IL1RAPL2: variants seen among roughly 807,000 people sequenced by gnomAD.
IL1RAPL2 encodes interleukin 1 receptor accessory protein like 2, also known as X-linked interleukin-1 receptor accessory protein-like 2.
In IL1RAPL2, 3 loss-of-function variants were observed where a neutral mutation model predicts 44.1. The ratio of observed to expected loss-of-function variants is 0.07; its 90% CI spans 0.03 to 0.18. The LOEUF is 0.18. Among genes scored for constraint, IL1RAPL2 ranks in the 10% least tolerant of loss-of-function variants. The probability of loss-of-function intolerance (pLI) is 1.00; values close to 1 mark genes in which losing one functional copy is unlikely to be tolerated. For missense variants in IL1RAPL2, 391 were observed against 496.4 expected, an observed-to-expected ratio of 0.79 and a Z score of 2.02; for synonymous variants, 181 against 178.8, an observed-to-expected ratio of 1.01 and a Z score of -0.10.
rs1021859804 is a variant in IL1RAPL2 at position 104,604,635 on chromosome X, A to C, written c.-20+37584A>C. ...ATATTTACTGAGGAAATGCATAGCAAAAAAAAAAAAAAAAAAAAAAGCAGG... is the reference window on the plus strand; with the variant it reads ...ATATTTACTGAGGAAATGCATAGCACAAAAAAAAAAAAAAAAAAAAGCAGG... On this transcript the variant is annotated intron_variant, in intron 1 of 10. Transcript: ENST00000372582. Among the ~76,000 whole-genome samples, 9 of 88,385 alleles carry C rather than the reference A, an allele frequency of 1.0e-4. No homozygotes were observed. The East Asian group carries it at 2.7e-3, about 26-fold the overall frequency. The allele number at this position is 88,385 out of a possible 115,157, so 76.8% of individuals were successfully genotyped here.
At chrX:105,402,787 A>G (rs1602395824) in intron 5 of IL1RAPL2, among the ~76,000 whole-genome samples, 1 of 111,961 alleles carries the variant, frequency 8.9e-6, no homozygotes. Flanking sequence ...GAGTCAGTAA[A>G]TTGTTCTACT....
At chrX:105,574,774 G>A (rs927874652) in intron 6 of IL1RAPL2, among the ~76,000 whole-genome samples, 6 of 111,205 alleles carry the variant, frequency 5.4e-5, no homozygotes, top group Non-Finnish European at 1.1e-4. Context: ...ATAGTGTTAC[G>A]TAGACTTGGT....
At chrX:105,568,785 A>G (rs920690704) in intron 6 of IL1RAPL2, among the ~76,000 whole-genome samples, 6 of 112,064 alleles carry the variant, frequency 5.4e-5, no homozygotes, top group Middle Eastern at 4.2e-3. Flanking sequence ...AATTCATTGA[A>G]TTCTCACTTT....
intron 2 of IL1RAPL2, among the ~76,000 whole-genome samples, chrX:104,822,571 T>C (rs1447032873): frequency 3.6e-5 from 4 of 112,018 alleles, no homozygotes; most frequent in Admixed American, 2.8e-4. Flanking sequence ...ATGTGTGGTG[T>C]TATTTCTGAG....
chrX:105,159,805 C>T (rs1379534040), intron 2 of IL1RAPL2, among the ~76,000 whole-genome samples: 2 of 111,559 alleles, frequency 1.8e-5, no homozygotes, highest in Non-Finnish European at 3.8e-5. Flanking sequence ...TGACATTTGG[C>T]TTAATCTGAT....
At chrX:105,396,821 G>A (rs974585789) in intron 5 of IL1RAPL2, among the ~76,000 whole-genome samples, 7 of 110,486 alleles carry the variant, frequency 6.3e-5, no homozygotes, top group Non-Finnish European at 1.3e-4. Context: ...AAGTAAGATA[G>A]CTAATTAGTT....
At chrX:105,282,064 A>G (rs1415341881) in intron 5 of IL1RAPL2, among the ~76,000 whole-genome samples, 2 of 112,060 alleles carry the variant, frequency 1.8e-5, no homozygotes, top group Admixed American at 9.5e-5. Context: ...TTCAGGCAGA[A>G]ATATTTTATT....
chrX:104,956,461 A>AGT lies in IL1RAPL2; in HGVS notation c.83-238981_83-238980dup, dbSNP rs59541869. On this transcript the variant is annotated intron_variant, in intron 2 of 10. Coordinates refer to ENST00000372582, the MANE Select transcript of IL1RAPL2 (RefSeq NM_017416.2). ...ACATGGCAAAACCCTGTCTCTACTAAGTGTGTGTGTGTGTGTGTGTGTGTG... is the reference window on the plus strand; with the variant it reads ...ACATGGCAAAACCCTGTCTCTACTAAGTGTGTGTGTGTGTGTGTGTGTGTGTG... Among the ~76,000 whole-genome samples the AGT allele has an allele frequency of 7.8e-4, 66 of 84,085 alleles. 1 individual carries two copies. Among genetic ancestry groups the AGT allele is most frequent in the East Asian group, 1.2e-3 (3 of 2,491 alleles). The allele number at this position is 84,085 out of a possible 115,157, so 73.0% of individuals were successfully genotyped here. A position where few individuals can be genotyped will look rare whatever the true frequency, so the allele number is the denominator to read the frequency against.
chrX:104,829,684 T>C (rs1028755250), intron 2 of IL1RAPL2, among the ~76,000 whole-genome samples: 5 of 112,530 alleles, frequency 4.4e-5, no homozygotes, highest in African/African-American at 1.6e-4. Flanking sequence ...AACAGCATCA[T>C]AACACGACGC....
chrX:105,432,334 T>G, intron 5 of IL1RAPL2, among the ~76,000 whole-genome samples: 1 of 108,874 alleles, frequency 9.2e-6, no homozygotes, highest in Non-Finnish European at 1.9e-5. Context: ...CCCATGTGAG[T>G]GTGTCTTGGG....
At chrX:105,504,087 T>G (rs970708575) in intron 6 of IL1RAPL2, among the ~76,000 whole-genome samples, 1 of 112,043 alleles carries the variant, frequency 8.9e-6, no homozygotes. Context: ...AAGATCTGTA[T>G]GACAGTGAAC....
At chrX:105,681,150 T>C (rs1167798643) in intron 6 of IL1RAPL2, among the ~76,000 whole-genome samples, 1 of 111,447 alleles carries the variant, frequency 9.0e-6, no homozygotes, top group Non-Finnish European at 1.9e-5. Flanking sequence ...GAGAGTTACC[T>C]TTCTAGGTTT....
chrX:104,838,338 T>C (rs937260678), intron 2 of IL1RAPL2, among the ~76,000 whole-genome samples: 1 of 112,032 alleles, frequency 8.9e-6, no homozygotes, highest in African/African-American at 3.2e-5. Flanking sequence ...TTTCACGATA[T>C]TGATTTTTCC....
chrX:105,614,462 C>T (rs990810358), intron 6 of IL1RAPL2, among the ~76,000 whole-genome samples: 1 of 111,561 alleles, frequency 9.0e-6, no homozygotes, highest in Non-Finnish European at 1.9e-5. Flanking sequence ...GGCATAAAAA[C>T]GGACCCATAG....
chrX:104,665,742 C>A (rs988442398), intron 2 of IL1RAPL2, among the ~76,000 whole-genome samples: 9 of 111,150 alleles, frequency 8.1e-5, no homozygotes, highest in Admixed American at 6.7e-4. Flanking sequence ...TTTTTAAATA[C>A]TGTGAAATAT....
rs141995761 is a variant in IL1RAPL2, at chrX:104,594,694, G to C, written c.-20+27643G>C. On this transcript the variant is annotated intron_variant, in intron 1 of 10. Transcript: ENST00000372582. ...ATGGAGGTAATGACCATGAAGCTGTGATAGAGAGTAATGGGGACAGCTACC... is the reference window on the plus strand; with the variant it reads ...ATGGAGGTAATGACCATGAAGCTGTCATAGAGAGTAATGGGGACAGCTACC... Among the ~76,000 whole-genome samples, 205 of 111,975 alleles carry C rather than the reference G, an allele frequency of 1.8e-3. 1 individual carries two copies. The highest frequency in any genetic ancestry group is 6.3e-3 in the African/African-American group (195 of 30,834).
At chrX:105,450,633 A>G (rs2036012763) in intron 5 of IL1RAPL2, among the ~76,000 whole-genome samples, 1 of 111,503 alleles carries the variant, frequency 9.0e-6, no homozygotes, top group Non-Finnish European at 1.9e-5. Flanking sequence ...AAGGAGTACA[A>G]CTATTTGTAT....
rs1030666752 is a variant in IL1RAPL2, at chrX:105,039,520, C to T, written c.83-155955C>T. 3.6e-5 allele frequency among the ~76,000 whole-genome samples: 4 copies of T among 111,682 alleles called. No individual in the cohort carries two copies. In the Admixed American group the frequency reaches 3.8e-4, roughly 11 times the overall value. ...GGGTCAACTTCTGCCTGTAGGTATT[C>T]CTTGATCTTTTAAAGACAATGATTA... On this transcript the variant is annotated intron_variant, in intron 2 of 10. Coordinates refer to ENST00000372582, the MANE Select transcript of IL1RAPL2 (RefSeq NM_017416.2).
chrX:104,866,282 G>A (rs1308018840), intron 2 of IL1RAPL2, among the ~76,000 whole-genome samples: 1 of 111,633 alleles, frequency 9.0e-6, no homozygotes, highest in Non-Finnish European at 1.9e-5. Context: ...AAAAGAGATA[G>A]GATTGAAGGA....
Sources: allele counts gnomAD v4.1 joint callset (sites outside exome capture counted in the v4.1 genomes callset), GRCh38; gene constraint gnomAD v4.1.1; transcripts MANE v1.5; gene names NCBI Gene and HGNC (gene_info 2026-07-23, HGNC 2026-07-21).